The following DLG2 variants were observed in gnomAD, a reference collection of about 807,000 sequenced individuals.
DLG2 encodes disks large homolog 2.
A neutral mutation model predicts 132.5 loss-of-function variants in DLG2; 45 were observed. That is an observed-to-expected ratio of 0.34 (90% CI 0.27 to 0.44). The LOEUF (loss-of-function observed/expected upper bound fraction) is 0.44. Among genes scored for constraint, DLG2 ranks in the 20% least tolerant of loss-of-function variants. DLG2 has a pLI of 1.00. For missense variants in DLG2, 1,045 were observed against 1,196.9 expected, an observed-to-expected ratio of 0.87 and a Z score of 1.87; for synonymous variants, 424 against 419.6, an observed-to-expected ratio of 1.01 and a Z score of -0.13.
intron 6 of DLG2, among the ~76,000 whole-genome samples, chr11:84,563,438 A>G (rs948141): frequency 0.35 from 52,456 of 152,022 alleles, 9,762 homozygotes; most frequent in South Asian, 0.49. Flanking sequence ...GTAATGACTG[A>G]GTGACCTTTT....
chr11:84,463,799 C>T (rs767817155), intron 7 of DLG2, among the ~76,000 whole-genome samples: 25 of 150,982 alleles, frequency 1.7e-4, no homozygotes, highest in Middle Eastern at 3.2e-3. Flanking sequence ...TGAACACACC[C>T]GTGGGTTTTC....
chr11:84,103,594 C>G (rs1391997309), intron 9 of DLG2, among the ~76,000 whole-genome samples: 1 of 152,070 alleles, frequency 6.6e-6, no homozygotes, highest in Non-Finnish European at 1.5e-5. Flanking sequence ...ATGGACCATT[C>G]TTTCTCTTAA....
intron 18 of DLG2, among the ~76,000 whole-genome samples, chr11:83,770,404 C>A (rs181511800): frequency 1.9e-3 from 282 of 151,576 alleles, no homozygotes; most frequent in Middle Eastern, 3.4e-3. Flanking sequence ...GAATTCTGGG[C>A]AGAATATAAT....
At chr11:85,428,842 G>C (rs1187001285) in intron 3 of DLG2, among the ~76,000 whole-genome samples, 1 of 152,076 alleles carries the variant, frequency 6.6e-6, no homozygotes, top group Non-Finnish European at 1.5e-5. Flanking sequence ...TCCAGGAGCT[G>C]GTTTTTTGAA....
intron 15 of DLG2, among the ~76,000 whole-genome samples, chr11:83,900,572 C>T (rs2073133830): frequency 6.6e-6 from 1 of 152,148 alleles, no homozygotes; most frequent in Non-Finnish European, 1.5e-5. Context: ...GGGTGCAAGC[C>T]CCAAGCCTTG....
intron 4 of DLG2, among the ~76,000 whole-genome samples, chr11:85,270,102 A>G (rs1305375280): frequency 6.8e-6 from 1 of 146,260 alleles, no homozygotes; most frequent in African/African-American, 2.4e-5. Flanking sequence ...ATATGAATAC[A>G]TATTGGTACC....
intron 7 of DLG2, among the ~76,000 whole-genome samples, chr11:84,372,843 A>G (rs1029462048): frequency 1.3e-5 from 2 of 152,156 alleles, no homozygotes; most frequent in South Asian, 4.1e-4. Context: ...TTAGTCCACT[A>G]GTTCCCATCT....
intron 3 of DLG2, among the ~76,000 whole-genome samples, chr11:85,592,796 T>A (rs1406231825): frequency 2.0e-5 from 3 of 151,286 alleles, no homozygotes; most frequent in Non-Finnish European, 2.9e-5. Flanking sequence ...GCAAAAAAAA[T>A]TCAAAAATTA....
intron 7 of DLG2, among the ~76,000 whole-genome samples, chr11:84,362,581 C>T (rs574855113): frequency 6.6e-6 from 1 of 151,672 alleles, no homozygotes. Context: ...CATATGTATA[C>T]ATGTGACATG....
chr11:84,673,438 A>G (rs1408704953), intron 6 of DLG2, among the ~76,000 whole-genome samples: 2 of 151,966 alleles, frequency 1.3e-5, no homozygotes, highest in African/African-American at 4.8e-5. Flanking sequence ...GTTTCCTCCT[A>G]CCAAAATGAG....
intron 6 of DLG2, among the ~76,000 whole-genome samples, chr11:84,677,553 C>A (rs1397005920): frequency 6.6e-6 from 1 of 152,000 alleles, no homozygotes; most frequent in Non-Finnish European, 1.5e-5. Flanking sequence ...TAACTTGACA[C>A]AGATCATATT....
chr11:83,539,811 C>A (rs1013402899), intron 20 of DLG2, among the ~76,000 whole-genome samples: 5 of 152,082 alleles, frequency 3.3e-5, no homozygotes, highest in Non-Finnish European at 7.4e-5. Flanking sequence ...AGAGAAATAG[C>A]TAATTCAAGA....
At chr11:84,983,228 G>A (rs187062044) in intron 6 of DLG2, among the ~76,000 whole-genome samples, 56 of 152,248 alleles carry the variant, frequency 3.7e-4, no homozygotes, top group African/African-American at 6.3e-4. Flanking sequence ...TGAAGGAAGC[G>A]GATTGCTCCT....
At chr11:84,099,177 A>G (rs2092159558) in intron 9 of DLG2, 130 bp from the exon 10 acceptor site, 1 of 778,008 alleles carries the variant, frequency 1.3e-6, no homozygotes, top group Non-Finnish European at 2.1e-6. Context: ...GCTAAATCAT[A>G]AAGTGCACAG....
At chr11:83,913,224 CTG>C (rs1355079191) in intron 15 of DLG2, among the ~76,000 whole-genome samples, 2 of 152,070 alleles carry the variant, frequency 1.3e-5, no homozygotes, top group Non-Finnish European at 2.9e-5. Flanking sequence ...GCTATGGTCT[CTG>C]TTAGATTGGG....
chr11:85,399,724 C>A (rs933462833), intron 3 of DLG2, among the ~76,000 whole-genome samples: 6 of 152,104 alleles, frequency 3.9e-5, no homozygotes, highest in African/African-American at 1.4e-4. Context: ...AACTGGCTAA[C>A]CATATGTAGA....
chr11:85,180,121 T>C (rs532955834), intron 4 of DLG2, among the ~76,000 whole-genome samples: 1 of 151,980 alleles, frequency 6.6e-6, no homozygotes, highest in Non-Finnish European at 1.5e-5. Context: ...GATGTCAAAA[T>C]GCCAGCAGGA....
At chr11:84,214,373 A>G (rs1231618908) in intron 8 of DLG2, among the ~76,000 whole-genome samples, 3 of 150,344 alleles carry the variant, frequency 2.0e-5, no homozygotes, top group Non-Finnish European at 4.4e-5. Context: ...ACAAACATAC[A>G]TATAAATATG....
chr11:83,890,956 T>C (rs1424334747), intron 15 of DLG2, among the ~76,000 whole-genome samples: 3 of 152,124 alleles, frequency 2.0e-5, no homozygotes, highest in African/African-American at 4.8e-5. Context: ...TGCTTTATAC[T>C]GAGAAAGGAA....
Sources: allele counts gnomAD v4.1 joint callset (sites outside exome capture counted in the v4.1 genomes callset), GRCh38; gene constraint gnomAD v4.1.1; transcripts MANE v1.5; gene names NCBI Gene and HGNC (gene_info 2026-07-23, HGNC 2026-07-21).